Variants in EFCAB5 observed in about 807,000 individuals in gnomAD.
EFCAB5 encodes the protein EF-hand calcium-binding domain-containing protein 5.
Under a neutral mutation model 167.9 loss-of-function variants are expected in EFCAB5, and 131 were observed. The observed-to-expected ratio is 0.78, with a 90% confidence interval of 0.68 to 0.90. The LOEUF (loss-of-function observed/expected upper bound fraction) is 0.90, where lower values mean the gene tolerates loss of function less well. Ranked by LOEUF, EFCAB5 falls within the 40% of genes least tolerant of loss-of-function variation. EFCAB5 has a pLI of 0.00. For missense variants in EFCAB5, 1,663 were observed against 1,745.2 expected (o/e 0.95, Z 0.84); for synonymous variants, 574 against 602.8 (o/e 0.95, Z 0.70).
Position 30,108,104 on chromosome 17 carries a change from T to G in EFCAB5, c.*80T>G. ...TTTTGTTTGTTAACTATAAAATATTTTCCATTGGAAAGGGGTACCTATAAA... is the reference window on the plus strand; with the variant it reads ...TTTTGTTTGTTAACTATAAAATATTGTCCATTGGAAAGGGGTACCTATAAA... On this transcript the variant is annotated 3_prime_UTR_variant, in exon 23 of 23. Coordinates refer to ENST00000394835, the MANE Select transcript of EFCAB5 (RefSeq NM_198529.4). 2.0e-6 allele frequency: 3 copies of G among 1,467,604 alleles called. No homozygotes were observed. Among genetic ancestry groups the G allele is most frequent in the Non-Finnish European group, 2.7e-6 (3 of 1,094,454 alleles). The allele number at this position is 1,467,604 out of a possible 1,614,324, so 90.9% of individuals were successfully genotyped here. A position where few individuals can be genotyped will look rare whatever the true frequency, so the allele number is the denominator to read the frequency against.
intron 4 of EFCAB5, among the ~76,000 whole-genome samples, chr17:29,977,999 A>G (rs8082680): frequency 0.83 from 126,407 of 152,112 alleles, 52,612 homozygotes; most frequent in East Asian, 0.9. Context: ...GCTTCAAAAT[A>G]TCTTACTCAT....
chr17:30,024,330 G>A (rs1432426136), intron 7 of EFCAB5, among the ~76,000 whole-genome samples: 7 of 152,132 alleles, frequency 4.6e-5, no homozygotes, highest in South Asian at 2.1e-4. Flanking sequence ...CAACTTCAGC[G>A]AAGTCTCAGG....
At chr17:29,942,673 G>C (rs777130469) in intron 2 of EFCAB5, among the ~76,000 whole-genome samples, 83 of 152,114 alleles carry the variant, frequency 5.5e-4, no homozygotes, top group Non-Finnish European at 7.2e-4. Flanking sequence ...CAATAAAGAA[G>C]AACGTTTCAT....
At chr17:29,964,024 C>T (rs1461997228) in intron 3 of EFCAB5, among the ~76,000 whole-genome samples, 1 of 151,552 alleles carries the variant, frequency 6.6e-6, no homozygotes, top group Non-Finnish European at 1.5e-5. Context: ...TTCTTGAGGC[C>T]TCACTGGGAA....
intron 8 of EFCAB5, among the ~76,000 whole-genome samples, chr17:30,048,218 G>GAC (rs1340041771): frequency 6.6e-6 from 1 of 152,082 alleles, no homozygotes; most frequent in South Asian, 2.1e-4. Flanking sequence ...AATTGGAATA[G>GAC]ACACACAGCA....
chr17:29,984,144 T>C (rs777059903), intron 4 of EFCAB5, among the ~76,000 whole-genome samples: 69 of 151,430 alleles, frequency 4.6e-4, no homozygotes, highest in Non-Finnish European at 5.9e-5. Context: ...AGTGAGTGTA[T>C]GAATGAATAA....
intron 14 of EFCAB5, among the ~76,000 whole-genome samples, chr17:30,061,995 A>G (rs1194473144): frequency 6.6e-6 from 1 of 152,174 alleles, no homozygotes; most frequent in Non-Finnish European, 1.5e-5. Context: ...TTTTTTCCCC[A>G]TTACTTTTCA....
At chr17:29,955,027 C>T (rs1327182324) in intron 3 of EFCAB5, among the ~76,000 whole-genome samples, 1 of 152,222 alleles carries the variant, frequency 6.6e-6, no homozygotes, top group African/African-American at 2.4e-5. Context: ...GATGTATACC[C>T]AATGCCTGTA....
intron 8 of EFCAB5, among the ~76,000 whole-genome samples, chr17:30,049,937 T>C (rs1454946052): frequency 6.6e-6 from 1 of 152,220 alleles, no homozygotes; most frequent in East Asian, 1.9e-4. Flanking sequence ...AGCATTACGT[T>C]GATATCAAAA....
chr17:29,941,546 C>T (rs2067297569), upstream of EFCAB5: 2 of 309,080 alleles, frequency 6.5e-6, no homozygotes, highest in African/African-American at 2.2e-5. Context: ...GGTGAGTTTT[C>T]TTGTCTCCCT....
chr17:30,104,734 T>A (rs1424825596), intron 22 of EFCAB5, among the ~76,000 whole-genome samples: 1 of 152,042 alleles, frequency 6.6e-6, no homozygotes, highest in Non-Finnish European at 1.5e-5. Flanking sequence ...TGGAGGCTCA[T>A]TAGAGGAATC....
chr17:29,946,275 G>C (rs1388189360), intron 3 of EFCAB5, among the ~76,000 whole-genome samples: 4 of 151,920 alleles, frequency 2.6e-5, no homozygotes, highest in African/African-American at 9.7e-5. Flanking sequence ...TTAAAACCAC[G>C]ATGAAATACT....
At position 30,056,145 on chromosome 17, in the gene EFCAB5, C is replaced by T; in HGVS notation, c.2354C>T (p.Ser785Phe). ...EEQANLIYGN[S>F]RFTDLHSIIR... ...CAGGCAAACTTAATCTATGGTAACT[C>T]CAGGTTCACAGGTACATGTTAACAA... Residue 785 changes from serine to phenylalanine, a missense_variant, in exon 12 of 23, where the codon TCC (serine) becomes TTC (phenylalanine). Coordinates refer to ENST00000394835, the MANE Select transcript of EFCAB5 (RefSeq NM_198529.4). 1 of 1,609,234 alleles carries T rather than the reference C, an allele frequency of 6.2e-7. No homozygotes were observed. The highest frequency in any genetic ancestry group is 1.3e-5 in the African/African-American group (1 of 74,976).
At chr17:29,956,835 G>A (rs1359701787) in intron 3 of EFCAB5, among the ~76,000 whole-genome samples, 1 of 152,072 alleles carries the variant, frequency 6.6e-6, no homozygotes. Flanking sequence ...CGGGGAGGGA[G>A]GGAGAGAGAG....
At chr17:30,024,566 C>T (rs1785339089) in intron 7 of EFCAB5, among the ~76,000 whole-genome samples, 1 of 152,042 alleles carries the variant, frequency 6.6e-6, no homozygotes, top group African/African-American at 2.4e-5. Flanking sequence ...ATTCCATGCT[C>T]ATGGGTAGGA....
In EFCAB5 at chr17:30,098,974, G is replaced by A. The variant is rs114326045; in HGVS notation, c.4321+6038G>A. On this transcript the variant is annotated intron_variant, in intron 22 of 22. Coordinates refer to ENST00000394835, the MANE Select transcript of EFCAB5 (RefSeq NM_198529.4). ...TCAAGGTCCATCTATGTTCTAGCTT[G>A]TATCAGTACTTCATTTTTGCGTGTG... Among the ~76,000 whole-genome samples the A allele has an allele frequency of 6.3e-3, 961 of 152,250 alleles. 10 individuals are homozygous for A. The highest frequency in any genetic ancestry group is 0.021 in the African/African-American group (870 of 41,542).
intron 22 of EFCAB5, among the ~76,000 whole-genome samples, chr17:30,100,161 T>C (rs938428101): frequency 1.3e-5 from 2 of 152,182 alleles, no homozygotes; most frequent in African/African-American, 2.4e-5. Flanking sequence ...ATCTGCTTTA[T>C]ATTTTTCAAA....
chr17:30,035,576 C>T (rs1220829517), intron 8 of EFCAB5, among the ~76,000 whole-genome samples: 1 of 152,014 alleles, frequency 6.6e-6, no homozygotes, highest in East Asian at 1.9e-4. Flanking sequence ...AATGAAGACC[C>T]AAAGAAGCAG....
chr17:30,015,445 T>C (rs2069011579), intron 7 of EFCAB5, among the ~76,000 whole-genome samples: 1 of 152,224 alleles, frequency 6.6e-6, no homozygotes, highest in East Asian at 1.9e-4. Flanking sequence ...CAATCAAATG[T>C]AGATTTGGTC....
Sources: allele counts gnomAD v4.1 joint callset (sites outside exome capture counted in the v4.1 genomes callset), GRCh38; gene constraint gnomAD v4.1.1; transcripts MANE v1.5; gene names NCBI Gene and HGNC (gene_info 2026-07-23, HGNC 2026-07-21).